ITGAV: variants seen among roughly 807,000 people sequenced by gnomAD.
ITGAV encodes the protein integrin subunit alpha V.
Under a neutral mutation model 143.8 loss-of-function variants are expected in ITGAV, and 76 were observed. That is an observed-to-expected ratio of 0.53 (90% CI 0.44 to 0.64). The LOEUF is 0.64. Among genes scored for constraint, ITGAV ranks in the 30% least tolerant of loss-of-function variants. The pLI is 0.00. For missense variants in ITGAV, 1,193 were observed against 1,274.7 expected (o/e 0.94, Z 0.98); for synonymous variants, 453 against 446.7 (o/e 1.01, Z -0.18).
intron 2 of ITGAV, among the ~76,000 whole-genome samples, chr2:186,613,972 T>A (rs2105672867): frequency 6.6e-6 from 1 of 152,238 alleles, no homozygotes; most frequent in Admixed American, 6.5e-5. Flanking sequence ...CTAGGAACGC[T>A]AATGCTTAAA....
intron 1 of ITGAV, among the ~76,000 whole-genome samples, chr2:186,591,185 G>A (rs958790311): frequency 6.6e-6 from 1 of 152,182 alleles, no homozygotes; most frequent in Non-Finnish European, 1.5e-5. Flanking sequence ...TTAGGTCATT[G>A]TTCAGAAGGA....
At chr2:186,659,218 T>A in intron 18 of ITGAV, 43 bp downstream of exon 18, 7 of 1,323,172 alleles carry the variant, frequency 5.3e-6, no homozygotes, top group Non-Finnish European at 7.0e-6. Context: ...TTTGTTATTT[T>A]TTTTTACAAT....
chr2:186,636,297 T>C, intron 7 of ITGAV, 90 bp downstream of exon 7: 1 of 1,026,394 alleles, frequency 9.7e-7, no homozygotes, highest in Non-Finnish European at 1.4e-6. Flanking sequence ...AAATATTTTA[T>C]GTGAAATAGA....
intron 4 of ITGAV, among the ~76,000 whole-genome samples, chr2:186,628,828 G>C (rs1687745398): frequency 6.6e-6 from 1 of 151,904 alleles, no homozygotes; most frequent in African/African-American, 2.4e-5. Context: ...CATTACTCAG[G>C]GAATGATAAA....
rs528622100 is a variant in ITGAV, at chr2:186,611,479, A to G, written c.316+9328A>G. On this transcript the variant is annotated intron_variant, in intron 2 of 29. Coordinates refer to ENST00000261023, the MANE Select transcript of ITGAV (RefSeq NM_002210.5). ...TGGCCTCAAGTGATCCTCCCATCTC[A>G]GCCTCCCAAAGTGCTAGGAGTACAG... is the stretch of plus-strand genomic sequence containing the variant. Among the ~76,000 whole-genome samples, 17 of 152,216 alleles carry G rather than the reference A, an allele frequency of 1.1e-4. No homozygotes were observed. In the East Asian group the frequency reaches 3.3e-3, roughly 29 times the overall value.
intron 5 of ITGAV, among the ~76,000 whole-genome samples, chr2:186,632,119 A>T (rs1687829440): frequency 6.6e-6 from 1 of 152,090 alleles, no homozygotes; most frequent in African/African-American, 2.4e-5. Flanking sequence ...AACTCTTCTT[A>T]CTAGGTAACT....
At chr2:186,667,608 T>C (rs1688936523) in intron 23 of ITGAV, 63 bp from the exon 24 acceptor site, 2 of 848,260 alleles carry the variant, frequency 2.4e-6, no homozygotes. Flanking sequence ...TGGGGTACTT[T>C]TGAAAATGAA....
In ITGAV at chr2:186,665,224, A is replaced by T; in HGVS notation, c.2166+6A>T. On this transcript the variant is annotated splice_donor_region_variant and intron_variant, in intron 21 of 29. Transcript: ENST00000261023. ...CAATGAAGGCTGGAACTCAAGTAAG[A>T]CAATTTAATTAAACGGATTTTTCTC... 2 of 1,572,552 alleles carry T rather than the reference A, an allele frequency of 1.3e-6. No homozygotes were observed. The highest frequency in any genetic ancestry group is 1.7e-6 in the Non-Finnish European group (2 of 1,143,810).
chr2:186,663,413 A>G (rs1424074178), intron 18 of ITGAV, among the ~76,000 whole-genome samples: 1 of 152,168 alleles, frequency 6.6e-6, no homozygotes, highest in Non-Finnish European at 1.5e-5. Context: ...CAACTTAACT[A>G]GCAGCAGGGT....
chr2:186,677,557 G>C lies in ITGAV; in HGVS notation c.*265G>C. The C allele has an allele frequency of 3.4e-6, 1 of 290,964 alleles. No homozygotes were observed. Among genetic ancestry groups the C allele is most frequent in the South Asian group, 5.6e-5 (1 of 17,862 alleles). The allele number at this position is 290,964 out of a possible 1,614,324, so 18.0% of individuals were successfully genotyped here. Reference sequence around the variant, plus strand: ...GATAGTTTTTATTCAATGTATATAAGACAGGTAGTGCCTGATTTACTACTT... The same window carrying C: ...GATAGTTTTTATTCAATGTATATAACACAGGTAGTGCCTGATTTACTACTT... On this transcript the variant is annotated 3_prime_UTR_variant, in exon 30 of 30. Coordinates refer to ENST00000261023, the MANE Select transcript of ITGAV (RefSeq NM_002210.5).
At position 186,672,534 on chromosome 2, in the gene ITGAV, A is replaced by G. The variant is rs542326760; in HGVS notation, c.2706+2720A>G. 2.1e-3 allele frequency among the ~76,000 whole-genome samples: 327 copies of G among 152,276 alleles called. 1 individual carries two copies. The highest frequency in any genetic ancestry group is 3.5e-3 in the Non-Finnish European group (239 of 68,010). The stretch of plus-strand genomic sequence containing the variant: ...GTTGCTGCAGCATTTTGCAATCCCA[A>G]CCAGCAATATATGAGGGTCCTATTT... On this transcript the variant is annotated intron_variant, in intron 26 of 29. Transcript: ENST00000261023.
In ITGAV at chr2:186,636,215, A is replaced by G; in HGVS notation, c.757+8A>G. 6.2e-7 allele frequency: 1 copy of G among 1,606,174 alleles called. No individual in the cohort carries two copies. Among genetic ancestry groups the G allele is most frequent in the South Asian group, 1.1e-5 (1 of 89,292 alleles). On this transcript the variant is annotated splice_region_variant and intron_variant, in intron 7 of 29. Coordinates refer to ENST00000261023, the MANE Select transcript of ITGAV (RefSeq NM_002210.5). Reference sequence around the variant, plus strand: ...TTGATGACAGCTATTTGGGTAGGTAAAACCAAAATTTACTCATTTTTGGAA... The same window carrying G: ...TTGATGACAGCTATTTGGGTAGGTAGAACCAAAATTTACTCATTTTTGGAA...
intron 2 of ITGAV, among the ~76,000 whole-genome samples, chr2:186,620,626 G>A (rs1687495024): frequency 6.6e-6 from 1 of 152,176 alleles, no homozygotes; most frequent in African/African-American, 2.4e-5. Flanking sequence ...AGCCAGGCAT[G>A]GTGGCATGCA....
chr2:186,637,253 G>A (rs1011287244), intron 8 of ITGAV, 144 bp downstream of exon 8: 13 of 665,966 alleles, frequency 2.0e-5, no homozygotes, highest in East Asian at 5.9e-5. Context: ...AGGCTGAGGC[G>A]GGTGGATCCC....
At chr2:186,636,914 C>CAT (rs1687959750) in intron 7 of ITGAV, 151 bp from the exon 8 acceptor site, 2 of 584,474 alleles carry the variant, frequency 3.4e-6, no homozygotes, top group Admixed American at 2.8e-5. Context: ...ATTCATATGT[C>CAT]ATATATATAT....
rs747523789 is a variant in ITGAV at position 186,590,440 on chromosome 2, C to G, written c.102C>G (p.Asp34Glu). ...LLPLCRAFNL[D>E]VDSPAEYSGP... ...CTCTGTGCCGCGCCTTCAACCTAGA[C>G]GTGGACAGTCCTGCCGAGTACTCTG... is the stretch of plus-strand genomic sequence containing the variant. The change falls in exon 1 of 30, where the codon GAC (aspartate) becomes GAG (glutamate). Residue 34 changes from aspartate (D) to glutamate (E), a missense_variant. Transcript: ENST00000261023. The G allele has an allele frequency of 2.9e-5, 47 of 1,613,152 alleles. No individual in the cohort carries two copies. The highest frequency in any genetic ancestry group is 3.5e-5 in the Non-Finnish European group (41 of 1,179,798).
chr2:186,658,120 G>C (rs953559948), intron 17 of ITGAV, among the ~76,000 whole-genome samples: 1 of 152,026 alleles, frequency 6.6e-6, no homozygotes, highest in Admixed American at 6.6e-5. Flanking sequence ...TGTAAAAAAA[G>C]ATACATAAAC....
chr2:186,667,883 T>A (rs764704934), intron 24 of ITGAV, 107 bp downstream of exon 24: 6 of 526,858 alleles, frequency 1.1e-5, no homozygotes, highest in Non-Finnish European at 1.7e-5. Flanking sequence ...ATGTAAACTC[T>A]ACATTGGTTA....
At chr2:186,673,749 C>A (rs1278753083) in intron 26 of ITGAV, among the ~76,000 whole-genome samples, 20 of 151,920 alleles carry the variant, frequency 1.3e-4, no homozygotes, top group Admixed American at 1.2e-3. Context: ...CTCATTGCAA[C>A]CTCCACCTCC....
Sources: allele counts gnomAD v4.1 joint callset (sites outside exome capture counted in the v4.1 genomes callset), GRCh38; gene constraint gnomAD v4.1.1; transcripts MANE v1.5; gene names NCBI Gene and HGNC (gene_info 2026-07-23, HGNC 2026-07-21).